The following CSMD3 variants were observed in gnomAD, a reference collection of about 807,000 sequenced individuals.
The protein encoded by CSMD3 is CUB and Sushi multiple domains 3, also known as CUB and sushi domain-containing protein 3.
CSMD3 carries 177 observed loss-of-function variants against 435.2 expected under a neutral mutation model. The observed-to-expected ratio is 0.41, with a 90% confidence interval of 0.36 to 0.46. CSMD3 has a LOEUF of 0.46. Among genes scored for constraint, CSMD3 ranks in the 20% least tolerant of loss-of-function variants. The pLI is 0.34. For synonymous variants in CSMD3, 1,656 were observed against 1,520.5 expected, an observed-to-expected ratio of 1.09 and a Z score of -2.07; for missense variants, 4,265 against 4,504.6, an observed-to-expected ratio of 0.95 and a Z score of 1.52.
intron 4 of CSMD3, among the ~76,000 whole-genome samples, chr8:113,107,638 T>C (rs933732351): frequency 6.6e-6 from 1 of 152,218 alleles, no homozygotes; most frequent in African/African-American, 2.4e-5. Context: ...ACTGTATTTA[T>C]TGAAAAACAA....
At chr8:113,283,025 T>C (rs564353883) in intron 2 of CSMD3, among the ~76,000 whole-genome samples, 1 of 152,190 alleles carries the variant, frequency 6.6e-6, no homozygotes, top group South Asian at 2.1e-4. Context: ...GATAATTGGC[T>C]AGCCATATGT....
At chr8:112,779,735 C>A (rs2078336700) in intron 13 of CSMD3, among the ~76,000 whole-genome samples, 1 of 151,994 alleles carries the variant, frequency 6.6e-6, no homozygotes, top group African/African-American at 2.4e-5. Flanking sequence ...ATTCTAAATT[C>A]TAAATTTTAT....
chr8:112,680,751 G>C (rs1392221613), intron 16 of CSMD3, among the ~76,000 whole-genome samples: 1 of 152,036 alleles, frequency 6.6e-6, no homozygotes, highest in Non-Finnish European at 1.5e-5. Context: ...CACGGTCTGG[G>C]ATTACTTCAT....
rs2129996328 is a variant in CSMD3 at position 112,237,407 on chromosome 8, T to C, written c.10469-59A>G. 2.5e-6 allele frequency: 3 copies of C among 1,200,702 alleles called. No homozygotes were observed. The South Asian group carries it at 3.7e-5, about 15-fold the overall frequency. The allele number at this position is 1,200,702 out of a possible 1,614,324, so 74.4% of individuals were successfully genotyped here. ...TTACAATGCCATATAAATATAAGCA[T>C]TAAATAGAGTATTAGTTTATTGAAT... On this transcript the variant is annotated intron_variant, in intron 66 of 70. Transcript: ENST00000297405.
intron 16 of CSMD3, among the ~76,000 whole-genome samples, chr8:112,675,840 T>C (rs1340880481): frequency 6.6e-6 from 1 of 152,076 alleles, no homozygotes; most frequent in Non-Finnish European, 1.5e-5. Flanking sequence ...GTTAGGGGGC[T>C]ACGGATTAAT....
intron 12 of CSMD3, among the ~76,000 whole-genome samples, chr8:112,819,097 A>G (rs1295483319): frequency 2.6e-5 from 4 of 152,160 alleles, no homozygotes; most frequent in East Asian, 1.9e-4. Context: ...TTCCAGGTCC[A>G]TATCCCACAA....
chr8:112,899,465 G>C (rs2082039913), intron 10 of CSMD3, among the ~76,000 whole-genome samples: 1 of 146,536 alleles, frequency 6.8e-6, no homozygotes. Flanking sequence ...AAGCATTTTA[G>C]TTTTTAATAT....
intron 22 of CSMD3, among the ~76,000 whole-genome samples, chr8:112,615,004 A>G (rs1249506423): frequency 2.0e-5 from 2 of 98,914 alleles, no homozygotes; most frequent in Non-Finnish European, 2.1e-5. Flanking sequence ...AGACATAACA[A>G]GAAAAAAAAA....
At chr8:113,375,683 A>G (rs1439346357) in intron 1 of CSMD3, among the ~76,000 whole-genome samples, 1 of 152,178 alleles carries the variant, frequency 6.6e-6, no homozygotes, top group Non-Finnish European at 1.5e-5. Context: ...ATTGCTGAAG[A>G]GTCAGCAATT....
At chr8:112,490,039 A>G (rs1820533818) in intron 31 of CSMD3, among the ~76,000 whole-genome samples, 2 of 152,196 alleles carry the variant, frequency 1.3e-5, no homozygotes, top group African/African-American at 4.8e-5. Flanking sequence ...TAACCAAAAC[A>G]TAACACCTGA....
At chr8:112,781,901 A>C (rs926553347) in intron 13 of CSMD3, among the ~76,000 whole-genome samples, 3 of 152,172 alleles carry the variant, frequency 2.0e-5, no homozygotes, top group African/African-American at 7.2e-5. Flanking sequence ...CGGATATGGC[A>C]GTAGTCACAA....
chr8:112,671,738 C>T (rs1264558051), intron 16 of CSMD3, among the ~76,000 whole-genome samples: 1 of 152,058 alleles, frequency 6.6e-6, no homozygotes, highest in African/African-American at 2.4e-5. Flanking sequence ...TTAAGAATTA[C>T]TTCCACAGTA....
At chr8:112,573,380 T>C (rs1238276497) in intron 24 of CSMD3, 121 bp downstream of exon 24, 5 of 901,948 alleles carry the variant, frequency 5.5e-6, no homozygotes, top group Non-Finnish European at 9.1e-6. Flanking sequence ...ATTATATATG[T>C]AGAAAGGAGC....
intron 35 of CSMD3, among the ~76,000 whole-genome samples, chr8:112,405,893 C>A (rs1831813609): frequency 6.6e-6 from 1 of 151,944 alleles, no homozygotes; most frequent in African/African-American, 2.4e-5. Flanking sequence ...ATATTTATTT[C>A]AAAGGATGAC....
At chr8:113,020,099 C>A (rs1369947615) in intron 5 of CSMD3, among the ~76,000 whole-genome samples, 1 of 143,274 alleles carries the variant, frequency 7.0e-6, no homozygotes, top group Non-Finnish European at 1.5e-5. Context: ...GGAAGCGGAG[C>A]TTGCAGTGAG....
intron 1 of CSMD3, among the ~76,000 whole-genome samples, chr8:113,364,545 T>C (rs1359541164): frequency 6.6e-6 from 1 of 152,092 alleles, no homozygotes; most frequent in Non-Finnish European, 1.5e-5. Context: ...AATGGACATA[T>C]ATAAAAGGAT....
At chr8:112,950,668 A>G (rs985678279) in intron 8 of CSMD3, among the ~76,000 whole-genome samples, 1 of 151,932 alleles carries the variant, frequency 6.6e-6, no homozygotes, top group Non-Finnish European at 1.5e-5. Context: ...TACACCTCCT[A>G]CAGGTGAGAA....
At chr8:112,449,680 T>C (rs755520628) in intron 32 of CSMD3, among the ~76,000 whole-genome samples, 1 of 152,226 alleles carries the variant, frequency 6.6e-6, no homozygotes, top group South Asian at 2.1e-4. Flanking sequence ...GTATTTCTAA[T>C]ATAAGATTAA....
At chr8:112,601,637 T>C (rs965127671) in intron 22 of CSMD3, among the ~76,000 whole-genome samples, 1 of 152,158 alleles carries the variant, frequency 6.6e-6, no homozygotes, top group African/African-American at 2.4e-5. Context: ...GGTTGCACTT[T>C]GAAGAATTCA....
Sources: gnomAD v4.1 joint callset for allele counts (sites outside exome capture counted in the v4.1 genomes callset) on GRCh38, gnomAD v4.1.1 for gene constraint, MANE v1.5 for transcripts, NCBI Gene and HGNC (gene_info 2026-07-23, HGNC 2026-07-21) for gene names.